The following ZNF503 variants were observed in gnomAD, a reference collection of about 807,000 sequenced individuals.
ZNF503 encodes NocA-like zinc finger 2.
ZNF503 carries 15 observed loss-of-function variants against 34.4 expected under a neutral mutation model. That is an observed-to-expected ratio of 0.44 (90% confidence interval 0.29 to 0.67). The LOEUF is 0.67. ZNF503 is among the 30% of genes least tolerant of loss of function. The pLI, the probability that ZNF503 is intolerant of heterozygous loss-of-function variation, is 0.13. For missense variants in ZNF503, 1,007 were observed against 926.8 expected (o/e 1.09, Z -1.12); for synonymous variants, 580 against 456.8 (o/e 1.27, Z -3.44).
At chr10:75,358,628 C>G in the ZNF503 span, 3 of 152,168 alleles carry the variant, frequency 2.0e-5, no homozygotes, top group South Asian at 4.1e-4. Context: ...TACAGCAGGC[C>G]ATGGAGTGGT....
the ZNF503 span, among the ~76,000 whole-genome samples, chr10:75,324,308 T>TTTTG: frequency 2.1e-5 from 3 of 144,964 alleles, no homozygotes; most frequent in African/African-American, 5.1e-5. Context: ...TGATCCTTTT[T>TTTTG]TTTGTTTGTT....
chr10:75,338,127 G>A, the ZNF503 span, among the ~76,000 whole-genome samples: 1 of 152,220 alleles, frequency 6.6e-6, no homozygotes, highest in Non-Finnish European at 1.5e-5. Context: ...AGTGACTTTA[G>A]ATGACATGTA....
chr10:75,301,824 T>C, the ZNF503 span, among the ~76,000 whole-genome samples: 1 of 152,256 alleles, frequency 6.6e-6, no homozygotes, highest in African/African-American at 2.4e-5. Flanking sequence ...CATCGAAATA[T>C]GTTATAAACC....
the ZNF503 span, among the ~76,000 whole-genome samples, chr10:75,283,634 C>T: frequency 6.6e-6 from 1 of 152,094 alleles, no homozygotes; most frequent in Non-Finnish European, 1.5e-5. Context: ...AAGCCAACCG[C>T]CCCCACCCCT....
the ZNF503 span, among the ~76,000 whole-genome samples, chr10:75,309,733 A>G: frequency 6.6e-6 from 1 of 152,012 alleles, no homozygotes; most frequent in East Asian, 1.9e-4. Flanking sequence ...CTGGAACTGA[A>G]CTCGCATTAT....
chr10:75,397,072 C>T (rs1242466565), downstream of ZNF503, among the ~76,000 whole-genome samples: 1 of 152,196 alleles, frequency 6.6e-6, no homozygotes, highest in African/African-American at 2.4e-5. Context: ...CTTGGAGGGG[C>T]TTTCCGGGTC....
chr10:75,371,454 C>T, the ZNF503 span, among the ~76,000 whole-genome samples: 3 of 152,332 alleles, frequency 2.0e-5, no homozygotes, highest in East Asian at 5.8e-4. Context: ...TCTCTCTCTG[C>T]ACCTGCTTCA....
the ZNF503 span, among the ~76,000 whole-genome samples, chr10:75,343,511 T>C: frequency 1.3e-5 from 2 of 152,108 alleles, no homozygotes; most frequent in African/African-American, 4.8e-5. Context: ...CCCAACCTTA[T>C]CCCCTCTGGG....
the ZNF503 span, among the ~76,000 whole-genome samples, chr10:75,297,771 A>G: frequency 2.4e-4 from 37 of 152,262 alleles, no homozygotes; most frequent in Non-Finnish European, 5.0e-4. Context: ...ACAAAAGTAC[A>G]GCTCAATGAA....
the ZNF503 span, among the ~76,000 whole-genome samples, chr10:75,359,500 G>T: frequency 6.6e-6 from 1 of 152,220 alleles, no homozygotes; most frequent in African/African-American, 2.4e-5. Flanking sequence ...AGAAGCCAGA[G>T]TTTTAGAAGC....
chr10:75,388,027 G>A, the ZNF503 span, among the ~76,000 whole-genome samples: 2 of 152,152 alleles, frequency 1.3e-5, no homozygotes, highest in East Asian at 3.9e-4. Context: ...GCAGAGGAGA[G>A]GTACTGAGGG....
the ZNF503 span, chr10:75,350,525 G>T: frequency 6.6e-6 from 1 of 152,168 alleles, no homozygotes; most frequent in African/African-American, 2.4e-5. Context: ...AGTACAATAT[G>T]TATCCATTGA....
At chr10:75,312,273 T>C in the ZNF503 span, among the ~76,000 whole-genome samples, 1,739 of 151,610 alleles carry the variant, frequency 0.011, 11 homozygotes, top group Middle Eastern at 0.027. Flanking sequence ...AGAAATAGGA[T>C]ATAAAAGGAA....
the ZNF503 span, among the ~76,000 whole-genome samples, chr10:75,356,175 G>C: frequency 1.6e-4 from 25 of 152,150 alleles, no homozygotes; most frequent in Admixed American, 3.9e-4. Context: ...TCTAGAAAAG[G>C]GGGTGGCACT....
At chr10:75,325,334 T>A in the ZNF503 span, among the ~76,000 whole-genome samples, 2,018 of 151,280 alleles carry the variant, frequency 0.013, 34 homozygotes, top group African/African-American at 0.047. Flanking sequence ...TATATATTTT[T>A]TTTTTTTTTG....
At chr10:75,377,148 G>T in the ZNF503 span, among the ~76,000 whole-genome samples, 3 of 152,176 alleles carry the variant, frequency 2.0e-5, no homozygotes, top group East Asian at 5.8e-4. Context: ...CCCTCAGGAC[G>T]TTGTGACTCA....
the ZNF503 span, among the ~76,000 whole-genome samples, chr10:75,332,321 CT>C: frequency 2.0e-5 from 3 of 151,862 alleles, no homozygotes; most frequent in African/African-American, 7.2e-5. Flanking sequence ...ATTTTGTTTT[CT>C]TTTTTTCTCC....
chr10:75,287,315 G>A, the ZNF503 span, among the ~76,000 whole-genome samples: 1 of 152,024 alleles, frequency 6.6e-6, no homozygotes. Context: ...CCCACTACAG[G>A]CTTCTCCCCT....
At chr10:75,301,162 C>T in the ZNF503 span, among the ~76,000 whole-genome samples, 1 of 152,264 alleles carries the variant, frequency 6.6e-6, no homozygotes, top group South Asian at 2.1e-4. Context: ...TCCAGTCTGA[C>T]AATCTCTGCC....
Sources: allele counts gnomAD v4.1 joint callset (sites outside exome capture counted in the v4.1 genomes callset), GRCh38; gene constraint gnomAD v4.1.1; transcripts MANE v1.5; gene names NCBI Gene and HGNC (gene_info 2026-07-23, HGNC 2026-07-21).